The following CSMD3 variants were observed in gnomAD, a reference collection of about 807,000 sequenced individuals.
CSMD3 encodes the protein CUB and Sushi multiple domains 3, also known as CUB and sushi domain-containing protein 3.
A neutral mutation model predicts 435.2 loss-of-function variants in CSMD3; 177 were observed. The observed-to-expected ratio is 0.41, with a 90% confidence interval of 0.36 to 0.46. CSMD3 has a LOEUF of 0.46. CSMD3 is among the 20% of genes least tolerant of loss of function. CSMD3 has a pLI of 0.34. For synonymous variants in CSMD3, 1,656 were observed against 1,520.5 expected (o/e 1.09, Z -2.07); for missense variants, 4,265 against 4,504.6 (o/e 0.95, Z 1.52).
intron 5 of CSMD3, among the ~76,000 whole-genome samples, chr8:113,066,149 A>T (rs1055285267): frequency 3.3e-5 from 5 of 151,088 alleles, no homozygotes; most frequent in Non-Finnish European, 7.4e-5. Flanking sequence ...AAAAAGAAAG[A>T]AAAAGAAAGG....
intron 31 of CSMD3, among the ~76,000 whole-genome samples, chr8:112,482,760 C>A (rs1045375153): frequency 6.6e-6 from 1 of 152,098 alleles, no homozygotes; most frequent in South Asian, 2.1e-4. Context: ...AAGGGAAAAG[C>A]GCTCTTTAAT....
At position 112,335,602 on chromosome 8, in the gene CSMD3, T is replaced by C. The variant is rs1471201372; in HGVS notation, c.7020-128A>G. On this transcript the variant is annotated intron_variant, in intron 44 of 70. Coordinates refer to ENST00000297405, the MANE Select transcript of CSMD3 (RefSeq NM_198123.2). ...TATCAATAATAAAGATGCAGGAAGC[T>C]AACCAATGAGTACAAATTATATATT... The C allele has an allele frequency of 7.3e-6, 6 of 817,510 alleles. No individual in the cohort carries two copies. The Admixed American group carries it at 1.2e-4, about 16-fold the overall frequency. 50.6% of individuals were successfully genotyped at this position (817,510 alleles called of 1,614,324 possible). A position where few individuals can be genotyped will look rare whatever the true frequency, so the allele number is the denominator to read the frequency against.
At chr8:112,920,916 TATACACAC>T (rs1333505262) in intron 10 of CSMD3, among the ~76,000 whole-genome samples, 14 of 145,698 alleles carry the variant, frequency 9.6e-5, no homozygotes, top group Non-Finnish European at 2.0e-4. Context: ...TATATATATA[TATACACAC>T]ACACACACAC....
intron 15 of CSMD3, among the ~76,000 whole-genome samples, chr8:112,684,129 T>C (rs1432530681): frequency 6.6e-6 from 1 of 151,850 alleles, no homozygotes; most frequent in Non-Finnish European, 1.5e-5. Context: ...ACTATCAACA[T>C]TAAAGTTAAA....
At position 113,278,544 on chromosome 8, in the gene CSMD3, T is replaced by A. The variant is rs900213000; in HGVS notation, c.514+48A>T. 43 of 877,292 alleles carry A rather than the reference T, an allele frequency of 4.9e-5. No individual in the cohort carries two copies. The East Asian group carries it at 1.0e-3, about 21-fold the overall frequency. 54.3% of individuals were successfully genotyped at this position (877,292 alleles called of 1,614,324 possible). On this transcript the variant is annotated intron_variant, in intron 3 of 70. Coordinates refer to ENST00000297405, the MANE Select transcript of CSMD3 (RefSeq NM_198123.2). The stretch of plus-strand genomic sequence containing the variant: ...CTTCTTTCCTACTTGAAAAATTTTG[T>A]TAGATTACATTAAGGGCAGTGGTTT...
chr8:112,772,716 G>C (rs1021208995), intron 13 of CSMD3, among the ~76,000 whole-genome samples: 2 of 152,054 alleles, frequency 1.3e-5, no homozygotes, highest in Non-Finnish European at 2.9e-5. Flanking sequence ...TGTAAAGCCC[G>C]ATTGTATATT....
Position 113,098,874 on chromosome 8 carries a change from A to T in CSMD3, c.799T>A (p.Cys267Ser). ...FPNEYHNNADCTWTIVAEPGD... is the reference protein window; with the variant it reads ...FPNEYHNNADSTWTIVAEPGD... ...GGCTCTGCTACAATGGTCCAAGTGC[A>T]ATCAGCATTGTTATGGTACTCATTA... is the stretch of plus-strand genomic sequence containing the variant. The change falls in exon 5 of 71, where the codon TGC becomes AGC. Residue 267 changes from cysteine to serine, a missense_variant. Physicochemically the swap from Cys to Ser is moderately radical, Grantham distance 112. Coordinates refer to ENST00000297405, the MANE Select transcript of CSMD3 (RefSeq NM_198123.2). The T allele has an allele frequency of 6.2e-7, 1 of 1,611,452 alleles. No individual in the cohort carries two copies. Among genetic ancestry groups the T allele is most frequent in the Non-Finnish European group, 8.5e-7 (1 of 1,177,810 alleles).
chr8:112,254,878 C>T (rs1156336700), intron 62 of CSMD3, among the ~76,000 whole-genome samples: 1 of 152,022 alleles, frequency 6.6e-6, no homozygotes, highest in Non-Finnish European at 1.5e-5. Flanking sequence ...AATATAGTTA[C>T]AATCATTTTG....
At chr8:112,275,890 C>G (rs760675948) in intron 59 of CSMD3, among the ~76,000 whole-genome samples, 2 of 152,176 alleles carry the variant, frequency 1.3e-5, no homozygotes, top group African/African-American at 4.8e-5. Context: ...CCTCACAAAT[C>G]TCATATCCTC....
intron 18 of CSMD3, among the ~76,000 whole-genome samples, 174 bp from the exon 19 acceptor site, chr8:112,650,523 C>G (rs1488504944): frequency 6.6e-6 from 1 of 152,034 alleles, no homozygotes; most frequent in Non-Finnish European, 1.5e-5. Context: ...CATTTCCTAC[C>G]AGTAAGGATC....
chr8:113,134,406 A>G lies in CSMD3; in HGVS notation c.710-35443T>C, dbSNP rs541889497. ...TTAGACATATTTTAGTTTTAAGAGC[A>G]TGATTTCAGATGAGATCAATGCTCA... On this transcript the variant is annotated intron_variant, in intron 4 of 70. Coordinates refer to ENST00000297405, the MANE Select transcript of CSMD3 (RefSeq NM_198123.2). Among the ~76,000 whole-genome samples the G allele has an allele frequency of 2.0e-5, 3 of 152,166 alleles. No individual in the cohort carries two copies. In the East Asian group the frequency reaches 5.8e-4, roughly 30 times the overall value.
chr8:112,558,355 G>C (rs1306826101), intron 24 of CSMD3, among the ~76,000 whole-genome samples: 1 of 151,844 alleles, frequency 6.6e-6, no homozygotes. Flanking sequence ...GCTCCATAAA[G>C]AGGTCAAGAA....
At position 112,638,735 on chromosome 8, in the gene CSMD3, A is replaced by C; in HGVS notation, c.3487T>G (p.Phe1163Val). The part of the protein sequence containing the change: ...FRAQLRFISD[F>V]SISYEGFNIT... ...TTAAATCCTTCATATGATATTGAAA[A>C]ATCTGAAATGAAACGCAATTGAGCC... The change falls in exon 21 of 71, where the codon TTT becomes GTT. Residue 1163 changes from phenylalanine to valine, a missense_variant. Transcript: ENST00000297405. 5 of 1,608,116 alleles carry C rather than the reference A, an allele frequency of 3.1e-6. No homozygotes were observed. The highest frequency in any genetic ancestry group is 4.3e-6 in the Non-Finnish European group (5 of 1,174,952).
At chr8:112,656,440 C>A in intron 17 of CSMD3, 99 bp from the exon 18 acceptor site, 1 of 843,716 alleles carries the variant, frequency 1.2e-6, no homozygotes, top group Non-Finnish European at 1.8e-6. Context: ...TAAAATTTTT[C>A]CATTTTATAT....
At chr8:112,633,388 A>G in intron 22 of CSMD3, among the ~76,000 whole-genome samples, 1 of 152,024 alleles carries the variant, frequency 6.6e-6, no homozygotes, top group East Asian at 1.9e-4. Flanking sequence ...TGTGATAATC[A>G]TAAATCTGCT....
chr8:113,259,430 A>G (rs1468129314), intron 3 of CSMD3, among the ~76,000 whole-genome samples: 1 of 152,180 alleles, frequency 6.6e-6, no homozygotes, highest in African/African-American at 2.4e-5. Flanking sequence ...CAATCCCTTC[A>G]GAAGCTTGAA....
chr8:113,389,304 T>C (rs1211043561), intron 1 of CSMD3, among the ~76,000 whole-genome samples: 1 of 151,630 alleles, frequency 6.6e-6, no homozygotes, highest in Non-Finnish European at 1.5e-5. Flanking sequence ...TTAGTAAAAT[T>C]ACAATCCAAT....
intron 16 of CSMD3, among the ~76,000 whole-genome samples, chr8:112,666,689 T>C (rs1250269581): frequency 6.6e-6 from 1 of 152,134 alleles, no homozygotes; most frequent in Non-Finnish European, 1.5e-5. Context: ...ACCCCTTACA[T>C]ATATTCTTGT....
At chr8:112,276,538 C>T (rs546755702) in intron 59 of CSMD3, among the ~76,000 whole-genome samples, 2 of 152,156 alleles carry the variant, frequency 1.3e-5, no homozygotes, top group South Asian at 4.1e-4. Context: ...CCATCACAGG[C>T]CTGGAAGTCT....
Sources: allele counts gnomAD v4.1 joint callset (sites outside exome capture counted in the v4.1 genomes callset), GRCh38; gene constraint gnomAD v4.1.1; transcripts MANE v1.5; gene names NCBI Gene and HGNC (gene_info 2026-07-23, HGNC 2026-07-21).